DRD3: variants seen among roughly 807,000 people sequenced by gnomAD.
DRD3 encodes the protein dopamine receptor D3, also known as D(3) dopamine receptor.
Under a neutral mutation model 36.3 loss-of-function variants are expected in DRD3, and 19 were observed. That is an observed-to-expected ratio of 0.52 (90% CI 0.36 to 0.77). The LOEUF is 0.77. Ranked by LOEUF, DRD3 falls within the 30% of genes least tolerant of loss-of-function variation. The pLI, the probability that DRD3 is intolerant of heterozygous loss-of-function variation, is 0.00. For synonymous variants in DRD3, 195 were observed against 203.7 expected, an observed-to-expected ratio of 0.96 and a Z score of 0.36; for missense variants, 465 against 505.3, an observed-to-expected ratio of 0.92 and a Z score of 0.77.
chr3:114,175,022 C>T (rs971798902), intron 1 of DRD3, among the ~76,000 whole-genome samples: 3 of 152,120 alleles, frequency 2.0e-5, no homozygotes, highest in African/African-American at 4.8e-5. Flanking sequence ...AAGTTTGGCA[C>T]TACTGACAAT....
intron 2 of DRD3, among the ~76,000 whole-genome samples, chr3:114,161,112 TG>T (rs915506414): frequency 6.6e-6 from 1 of 151,758 alleles, no homozygotes; most frequent in African/African-American, 2.4e-5. Flanking sequence ...GCTTCTTTCC[TG>T]GGGGGGTGGG....
At chr3:114,135,078 C>A (rs903228935) in intron 5 of DRD3, among the ~76,000 whole-genome samples, 7 of 152,156 alleles carry the variant, frequency 4.6e-5, no homozygotes, top group Admixed American at 4.6e-4. Context: ...TTCTCGCCCC[C>A]TCCCCCATCT....
chr3:114,171,901 T>C lies in DRD3; in HGVS notation c.92A>G (p.Tyr31Cys). 6.2e-7 allele frequency: 1 copy of C among 1,611,262 alleles called. No individual in the cohort carries two copies. The change falls in exon 2 of 7, where the codon TAC becomes TGC. Residue 31 changes from tyrosine to cysteine, a missense_variant. Tyr to Cys is a radical substitution (Grantham distance 194, BLOSUM62 -2). Coordinates refer to ENST00000383673, the MANE Select transcript of DRD3 (RefSeq NM_000796.6). ...GAGCGCGCAGTAGGAGAGGGCATAG[T>C]AGGCATGTGGGCGGGCCTGGCTGGC... ...TGASQARPHAYYALSYCALIL... is the reference protein window; with the variant it reads ...TGASQARPHACYALSYCALIL...
At chr3:114,147,298 A>T in intron 4 of DRD3, 117 bp downstream of exon 4, 1 of 1,308,310 alleles carries the variant, frequency 7.6e-7, no homozygotes, top group Non-Finnish European at 1.0e-6. Flanking sequence ...ATTCTCATTT[A>T]ATTGCAAAGT....
At chr3:114,135,097 G>C (rs1013121318) in intron 5 of DRD3, among the ~76,000 whole-genome samples, 6 of 151,840 alleles carry the variant, frequency 4.0e-5, no homozygotes, top group Non-Finnish European at 7.4e-5. Context: ...CTCCTTCCTA[G>C]CCTCTGGTAA....
chr3:114,198,228 T>G (rs1004132268), intron 1 of DRD3, among the ~76,000 whole-genome samples: 3 of 113,104 alleles, frequency 2.7e-5, no homozygotes, highest in East Asian at 2.7e-4. Context: ...AATTTCTGTG[T>G]TTTTTTTTTT....
chr3:114,133,459 TG>T (rs2077448255), intron 5 of DRD3, among the ~76,000 whole-genome samples: 1 of 151,656 alleles, frequency 6.6e-6, no homozygotes, highest in African/African-American at 2.4e-5. Flanking sequence ...TGATGGCTAC[TG>T]GGGGGTTGTT....
chr3:114,131,252 G>T lies in DRD3; in HGVS notation c.872C>A (p.Ala291Glu), dbSNP rs201876283. The T allele has an allele frequency of 6.2e-6, 10 of 1,614,198 alleles. No individual in the cohort carries two copies. The Middle Eastern group carries it at 4.9e-4, about 80-fold the overall frequency. Residue 291 changes from alanine to glutamate, a missense_variant, in exon 6 of 7, where the codon GCG (alanine) becomes GAG (glutamate). Physicochemically the swap from Ala to Glu is moderately radical, Grantham distance 107. Coordinates refer to ENST00000383673, the MANE Select transcript of DRD3 (RefSeq NM_000796.6). ...TCGAACTTCTAAGCTGAGCTTGGGC[G>T]CTATGGTGGGACTCAGGGAATTCCG... ...KTRNSLSPTI[A>E]PKLSLEVRKL...
intron 3 of DRD3, among the ~76,000 whole-genome samples, chr3:114,156,992 C>A (rs2077686999): frequency 7.3e-6 from 1 of 136,962 alleles, no homozygotes; most frequent in Non-Finnish European, 1.6e-5. Flanking sequence ...TTCTTCCTTT[C>A]TTTCTCTCTC....
intron 5 of DRD3, among the ~76,000 whole-genome samples, chr3:114,137,952 T>C (rs549293440): frequency 0.038 from 5,045 of 133,508 alleles, 101 homozygotes; most frequent in South Asian, 0.07. Flanking sequence ...GAGCTGAGAT[T>C]GCGCCACTGC....
intron 2 of DRD3, among the ~76,000 whole-genome samples, chr3:114,166,954 G>A (rs1008790781): frequency 3.3e-5 from 5 of 152,086 alleles, no homozygotes; most frequent in African/African-American, 1.2e-4. Flanking sequence ...TTTCCAGTAG[G>A]GAGGTCTTAA....
At chr3:114,130,416 A>G (rs1458102352) in intron 6 of DRD3, among the ~76,000 whole-genome samples, 1 of 149,448 alleles carries the variant, frequency 6.7e-6, no homozygotes, top group Non-Finnish European at 1.5e-5. Flanking sequence ...CTGTATTTAA[A>G]ATAATCTAGA....
intron 1 of DRD3, among the ~76,000 whole-genome samples, chr3:114,174,524 A>G (rs1355187579): frequency 6.6e-6 from 1 of 152,220 alleles, no homozygotes; most frequent in African/African-American, 2.4e-5. Flanking sequence ...CTGAAAATCA[A>G]TTCTGAGCCT....
chr3:114,170,056 G>A (rs2077824460), intron 2 of DRD3, among the ~76,000 whole-genome samples: 1 of 152,166 alleles, frequency 6.6e-6, no homozygotes, highest in Non-Finnish European at 1.5e-5. Flanking sequence ...AACATTTTAG[G>A]AAGATGATGA....
chr3:114,134,283 A>G (rs960347347), intron 5 of DRD3, among the ~76,000 whole-genome samples: 14 of 152,182 alleles, frequency 9.2e-5, no homozygotes, highest in Non-Finnish European at 1.5e-4. Context: ...TTTTTAGTAG[A>G]AATGAGGTCT....
upstream of DRD3, among the ~76,000 whole-genome samples, chr3:114,182,113 G>C (rs910074018): frequency 3.9e-5 from 6 of 152,148 alleles, no homozygotes; most frequent in African/African-American, 1.4e-4. Context: ...TTTTTCACTG[G>C]AATCAGACCT....
chr3:114,176,952 G>C (rs1214965446), intron 1 of DRD3, among the ~76,000 whole-genome samples: 1 of 152,182 alleles, frequency 6.6e-6, no homozygotes, highest in African/African-American at 2.4e-5. Context: ...GAGTCACAGA[G>C]AGGTTAAATA....
intron 1 of DRD3, among the ~76,000 whole-genome samples, chr3:114,196,265 A>C (rs1489281251): frequency 6.6e-6 from 1 of 152,134 alleles, no homozygotes; most frequent in East Asian, 1.9e-4. Flanking sequence ...TACATACACA[A>C]ATCTTTGTAT....
At chr3:114,142,181 T>C (rs533555287) in intron 4 of DRD3, among the ~76,000 whole-genome samples, 2 of 151,616 alleles carry the variant, frequency 1.3e-5, no homozygotes, top group East Asian at 3.9e-4. Flanking sequence ...CAGTGCGTGG[T>C]CTTTCAGAAT....
Sources: allele counts gnomAD v4.1 joint callset (sites outside exome capture counted in the v4.1 genomes callset), GRCh38; gene constraint gnomAD v4.1.1; transcripts MANE v1.5; gene names NCBI Gene and HGNC (gene_info 2026-07-23, HGNC 2026-07-21).